Variants in LRP2BP observed in about 807,000 individuals in gnomAD.
LRP2BP encodes LRP2-binding protein.
Under a neutral mutation model 45.2 loss-of-function variants are expected in LRP2BP, and 38 were observed. That is an observed-to-expected ratio of 0.84 (90% CI 0.65 to 1.10). The LOEUF (loss-of-function observed/expected upper bound fraction) is 1.10. LRP2BP is among the 50% of genes least tolerant of loss of function. LRP2BP has a pLI of 0.00. For synonymous variants in LRP2BP, 153 were observed against 153.9 expected (o/e 0.99, Z 0.04); for missense variants, 385 against 418.9 (o/e 0.92, Z 0.71).
At chr4:185,387,972 G>A (rs1321913860) in intron 1 of LRP2BP, among the ~76,000 whole-genome samples, 1 of 152,222 alleles carries the variant, frequency 6.6e-6, no homozygotes, top group Non-Finnish European at 1.5e-5. Context: ...GAAAGGCTGT[G>A]TGACGAGCCC....
chr4:185,378,578 C>T, intron 1 of LRP2BP: 1 of 1,003,026 alleles, frequency 1.0e-6, no homozygotes, highest in Non-Finnish European at 1.2e-6. Flanking sequence ...CTGGTACCTT[C>T]TCTGCCCTTG....
Position 185,378,097 on chromosome 4 carries a change from C to T in LRP2BP, c.90G>A (p.Trp30Ter). ...GATTTGTACCAGTCTTTTCCTTTTT[C>T]CACTGGAAAAATTTTTGGTTTTTAG... ...YAAKNQKFFQ[W>*]KKEKTDYTHA... The change falls in exon 2 of 9, where the codon TGG becomes TGA. Residue 30 changes from tryptophan to a stop codon, truncating the protein, a stop_gained. Coordinates refer to ENST00000505916, the MANE Select transcript of LRP2BP (RefSeq NM_001377440.1). LOFTEE classifies it high-confidence loss of function. The T allele has an allele frequency of 6.2e-7, 1 of 1,612,920 alleles. No individual in the cohort carries two copies. Among genetic ancestry groups the T allele is most frequent in the Non-Finnish European group, 8.5e-7 (1 of 1,179,622 alleles).
chr4:185,388,798 G>T (rs912699323), intron 1 of LRP2BP, among the ~76,000 whole-genome samples: 2 of 106,390 alleles, frequency 1.9e-5, no homozygotes, highest in African/African-American at 5.4e-5. Flanking sequence ...CTCAAAATGT[G>T]TTAACATCCT....
chr4:185,371,262 G>T (rs575610242), intron 7 of LRP2BP, among the ~76,000 whole-genome samples: 1 of 152,276 alleles, frequency 6.6e-6, no homozygotes, highest in South Asian at 2.1e-4. Context: ...ACAATTGGCT[G>T]GGCGCGGTGG....
chr4:185,393,714 C>T (rs1342981510), intron 1 of LRP2BP, among the ~76,000 whole-genome samples: 20 of 151,682 alleles, frequency 1.3e-4, no homozygotes, highest in African/African-American at 4.6e-4. Flanking sequence ...TTAGTAGAGA[C>T]GGGGTTTCAC....
At chr4:185,392,282 T>C (rs923549748) in intron 1 of LRP2BP, among the ~76,000 whole-genome samples, 8 of 152,230 alleles carry the variant, frequency 5.3e-5, no homozygotes, top group Non-Finnish European at 1.5e-5. Context: ...CTAGTCACCA[T>C]TGAGACCACT....
chr4:185,368,197 C>T (rs2095398139), intron 8 of LRP2BP, among the ~76,000 whole-genome samples: 1 of 152,058 alleles, frequency 6.6e-6, no homozygotes, highest in African/African-American at 2.4e-5. Flanking sequence ...AAAACTTTCC[C>T]TTATTTTAGG....
intron 8 of LRP2BP, 92 bp downstream of exon 8, chr4:185,370,548 G>GA (rs2095411317): frequency 8.1e-6 from 11 of 1,353,048 alleles, no homozygotes; most frequent in African/African-American, 4.3e-5. Context: ...TAATTGAGTA[G>GA]AAAAAACACT....
rs1319268996 is a variant in LRP2BP, at chr4:185,378,332, C to A, written c.-21-125G>T. 5 of 1,444,674 alleles carry A rather than the reference C, an allele frequency of 3.5e-6. No homozygotes were observed. In the African/African-American group the frequency reaches 7.2e-5, roughly 21 times the overall value. 89.5% of individuals were successfully genotyped at this position (1,444,674 alleles called of 1,614,324 possible). The stretch of plus-strand genomic sequence containing the variant: ...CTTCTCTCATCGCCTAGATAGAACA[C>A]CAACCACCAACTCCAGGACGTGAAC... On this transcript the variant is annotated intron_variant, in intron 1 of 8. Coordinates refer to ENST00000505916, the MANE Select transcript of LRP2BP (RefSeq NM_001377440.1).
At chr4:185,375,455 C>CAAAAAAAAAAAAA (rs1193760497) in intron 4 of LRP2BP, among the ~76,000 whole-genome samples, 158 bp downstream of exon 4, 1 of 14,774 alleles carries the variant, frequency 6.8e-5, no homozygotes, top group Non-Finnish European at 1.2e-4. Context: ...GACTCCGTCT[C>CAAAAAAAAAAAAA]AAAAAAAAAA....
chr4:185,378,610 A>G, intron 1 of LRP2BP: 1 of 991,136 alleles, frequency 1.0e-6, no homozygotes, highest in Non-Finnish European at 1.2e-6. Flanking sequence ...CATCGGACGA[A>G]TCCATTTCAA....
At position 185,378,956 on chromosome 4, in the gene LRP2BP, T is replaced by C. The variant is rs571939879; in HGVS notation, c.-21-749A>G. ...TCAAGAGAAGAAATAGAGAGACCCT[T>C]AGTGTGATTGGAAAGCTGCATTTTT... is the stretch of plus-strand genomic sequence containing the variant. On this transcript the variant is annotated intron_variant, in intron 1 of 8. Coordinates refer to ENST00000505916, the MANE Select transcript of LRP2BP (RefSeq NM_001377440.1). 40 of 985,360 alleles carry C rather than the reference T, an allele frequency of 4.1e-5. No homozygotes were observed. In the South Asian group the frequency reaches 1.7e-3, roughly 42 times the overall value. 61.0% of individuals were successfully genotyped at this position (985,360 alleles called of 1,614,324 possible). A position where few individuals can be genotyped will look rare whatever the true frequency, so the allele number is the denominator to read the frequency against.
intron 1 of LRP2BP, among the ~76,000 whole-genome samples, chr4:185,388,451 A>ACCTACCTATCAATCATCTACCTACCTG: frequency 6.6e-6 from 1 of 151,978 alleles, no homozygotes; most frequent in African/African-American, 2.4e-5. Flanking sequence ...CTATCTGCCT[A>ACCTACCTATCAATCATCTACCTACCTG]CCTACCTACC....
In LRP2BP at chr4:185,388,934, G is replaced by A. The variant is rs193024171; in HGVS notation, c.-22+5845C>T. 1.5e-3 allele frequency among the ~76,000 whole-genome samples: 228 copies of A among 152,040 alleles called. 1 individual carries two copies. The highest frequency in any genetic ancestry group is 4.4e-3 in the African/African-American group (181 of 41,488). The stretch of plus-strand genomic sequence containing the variant: ...CTCTGTCGCCAGGCTGGAGTACAGT[G>A]GTGCGATCTCGGCTCACTGCAACCT... On this transcript the variant is annotated intron_variant, in intron 1 of 8. Transcript: ENST00000505916.
rs754793540 is a variant in LRP2BP, at chr4:185,373,099, A to G, written c.580-20T>C. On this transcript the variant is annotated intron_variant, in intron 6 of 8. Coordinates refer to ENST00000505916, the MANE Select transcript of LRP2BP (RefSeq NM_001377440.1). ...AAATGCCTAAGAAAAGCACAGTTTCATCATTGTATTTGTGATCCACTAGAT... is the reference window on the plus strand; with the variant it reads ...AAATGCCTAAGAAAAGCACAGTTTCGTCATTGTATTTGTGATCCACTAGAT... 1.9e-6 allele frequency: 3 copies of G among 1,588,658 alleles called. No individual in the cohort carries two copies. Among genetic ancestry groups the G allele is most frequent in the South Asian group, 2.2e-5 (2 of 90,544 alleles).
chr4:185,374,588 A>C, intron 4 of LRP2BP, 127 bp from the exon 5 acceptor site: 1 of 987,528 alleles, frequency 1.0e-6, no homozygotes, highest in Non-Finnish European at 1.5e-6. Context: ...ATCTGTGCCC[A>C]AGGGGTACAA....
chr4:185,396,649 C>T, upstream of LRP2BP: 1 of 497,378 alleles, frequency 2.0e-6, no homozygotes, highest in Non-Finnish European at 3.6e-6. Context: ...CGCGCGCCCG[C>T]CCCCTCCCCC....
rs1319467715 is a variant in LRP2BP at position 185,364,830 on chromosome 4, A to G, written c.*2350T>C. The G allele has an allele frequency of 2.0e-5, 3 of 152,244 alleles. No individual in the cohort carries two copies. Among genetic ancestry groups the G allele is most frequent in the Non-Finnish European group, 4.4e-5 (3 of 68,044 alleles). The allele number at this position is 152,244 out of a possible 1,614,324, so 9.4% of individuals were successfully genotyped here. A position where few individuals can be genotyped will look rare whatever the true frequency, so the allele number is the denominator to read the frequency against. ...TGTCAAGCCTGAAGAACTTATCACA[A>G]TACAATTATGGGAAATGTCTATTTT... On this transcript the variant is annotated 3_prime_UTR_variant, in exon 9 of 9. Transcript: ENST00000505916.
In LRP2BP at chr4:185,372,895, T is replaced by A; in HGVS notation, c.764A>T (p.Lys255Met). Reference protein sequence around the residue: ...AQGNLVEYYYKMKFFTKCVAF... With the variant: ...AQGNLVEYYYMMKFFTKCVAF... ...AACACACTTTGTAAAAAATTTCATC[T>A]TATAGTAATACTCCACGAGATTCCC... The change falls in exon 7 of 9, where the codon AAG becomes ATG. Residue 255 changes from lysine to methionine, a missense_variant. Lys to Met is a moderately conservative substitution (Grantham distance 95). Coordinates refer to ENST00000505916, the MANE Select transcript of LRP2BP (RefSeq NM_001377440.1). The A allele has an allele frequency of 6.2e-7, 1 of 1,610,822 alleles. No individual in the cohort carries two copies. Among genetic ancestry groups the A allele is most frequent in the Non-Finnish European group, 8.5e-7 (1 of 1,177,218 alleles).
Sources: gnomAD v4.1 joint callset for allele counts (sites outside exome capture counted in the v4.1 genomes callset) on GRCh38, gnomAD v4.1.1 for gene constraint, MANE v1.5 for transcripts, NCBI Gene and HGNC (gene_info 2026-07-23, HGNC 2026-07-21) for gene names.